MREG: variants seen among roughly 807,000 people sequenced by gnomAD.
The protein encoded by MREG is melanoregulin.
In MREG, 31 loss-of-function variants were observed where a neutral mutation model predicts 28.5. The observed-to-expected ratio is 1.09, with a 90% CI of 0.82 to 1.47. The LOEUF is 1.47. Ranked by LOEUF, MREG falls within the 40% of genes most tolerant of loss-of-function variation. The pLI, the probability that MREG is intolerant of heterozygous loss-of-function variation, is 0.00. For synonymous variants in MREG, 106 were observed against 95.2 expected (o/e 1.11, Z -0.66); for missense variants, 256 against 257.4 (o/e 0.99, Z 0.04).
chr2:215,973,553 T>C (rs1693162158), intron 2 of MREG, among the ~76,000 whole-genome samples: 1 of 152,102 alleles, frequency 6.6e-6, no homozygotes. Flanking sequence ...GGGAAAGAGA[T>C]TGGAGCAAAT....
rs375604235 is a variant in MREG at position 216,010,396 on chromosome 2, C to T, written c.95+2837G>A. ...TTTTTGAGACGGAGTCTCGCTCTGT[C>T]GCCCAGGCTGGAGTGCAGTGGCGCG... On this transcript the variant is annotated intron_variant, in intron 1 of 4. Transcript: ENST00000263268. Among the ~76,000 whole-genome samples the T allele has an allele frequency of 1.3e-3, 172 of 127,522 alleles. 5 individuals are homozygous for T. The East Asian group carries it at 0.019, about 14-fold the overall frequency. The allele number at this position is 127,522 out of a possible 152,430, so 83.7% of individuals were successfully genotyped here.
upstream of MREG, among the ~76,000 whole-genome samples, chr2:216,016,579 A>G (rs1694452121): frequency 6.6e-6 from 1 of 152,236 alleles, no homozygotes; most frequent in Admixed American, 6.5e-5. Context: ...TCTATGAAAT[A>G]GAGGTGACAA....
At chr2:215,991,922 A>G (rs1008397915) in intron 2 of MREG, among the ~76,000 whole-genome samples, 5 of 152,124 alleles carry the variant, frequency 3.3e-5, no homozygotes, top group African/African-American at 1.2e-4. Flanking sequence ...CCAACCAAAA[A>G]AAGCCCAGGA....
chr2:215,992,492 T>G (rs1412740768), intron 2 of MREG, among the ~76,000 whole-genome samples: 1 of 152,210 alleles, frequency 6.6e-6, no homozygotes, highest in African/African-American at 2.4e-5. Context: ...GCATTCCCTT[T>G]GAAAACCGGC....
At chr2:216,028,540 A>C (rs1196173528) in intron 1 of MREG, among the ~76,000 whole-genome samples, 2 of 151,596 alleles carry the variant, frequency 1.3e-5, no homozygotes, top group African/African-American at 2.4e-5. Flanking sequence ...AAAAAAAAAA[A>C]AAAAAAAACC....
intron 1 of MREG, among the ~76,000 whole-genome samples, chr2:215,997,170 T>C (rs10180645): frequency 0.57 from 86,216 of 152,076 alleles, 24,769 homozygotes; most frequent in Non-Finnish European, 0.59. Context: ...GGAAGCATAG[T>C]AAACTTGGAG....
At chr2:215,995,417 T>C (rs1693840477) in intron 2 of MREG, among the ~76,000 whole-genome samples, 1 of 152,168 alleles carries the variant, frequency 6.6e-6, no homozygotes, top group African/African-American at 2.4e-5. Context: ...TGCTAAAATA[T>C]GTTTTTTTGG....
chr2:215,974,654 A>C (rs1693193937), intron 2 of MREG, among the ~76,000 whole-genome samples: 1 of 152,172 alleles, frequency 6.6e-6, no homozygotes, highest in African/African-American at 2.4e-5. Context: ...CTTTACAGGC[A>C]GGGGAGGGGA....
chr2:216,031,360 T>C (rs2105935132), intron 1 of MREG, among the ~76,000 whole-genome samples: 1 of 148,648 alleles, frequency 6.7e-6, no homozygotes. Flanking sequence ...TGAGCTGAGA[T>C]TGTACCACTG....
intron 2 of MREG, among the ~76,000 whole-genome samples, chr2:215,994,620 GAGA>G (rs1693813696): frequency 2.2e-5 from 1 of 44,658 alleles, no homozygotes; most frequent in Non-Finnish European, 8.8e-5. Context: ...GGAAGAAGAA[GAGA>G]AGAAGGAGGG....
chr2:215,995,965 G>GT (rs1244237644), intron 2 of MREG, among the ~76,000 whole-genome samples: 1 of 152,006 alleles, frequency 6.6e-6, no homozygotes, highest in Admixed American at 6.6e-5. Flanking sequence ...TCTGAATCAA[G>GT]TAAGTGTGGC....
At chr2:215,949,253 T>G (rs1692418758) in intron 2 of MREG, among the ~76,000 whole-genome samples, 1 of 139,508 alleles carries the variant, frequency 7.2e-6, no homozygotes, top group South Asian at 2.3e-4. Flanking sequence ...AGAGTGAGAC[T>G]TTGTCTTAAA....
At chr2:215,983,651 A>C (rs1443719037) in intron 2 of MREG, among the ~76,000 whole-genome samples, 1 of 152,204 alleles carries the variant, frequency 6.6e-6, no homozygotes, top group African/African-American at 2.4e-5. Context: ...TTTAGTTGAC[A>C]TGTAGTAATT....
intron 2 of MREG, among the ~76,000 whole-genome samples, chr2:215,959,934 G>T (rs542782246): frequency 6.6e-6 from 1 of 151,502 alleles, no homozygotes; most frequent in Admixed American, 6.6e-5. Flanking sequence ...GAAAATTGTT[G>T]TAGAGTTACT....
intron 1 of MREG, among the ~76,000 whole-genome samples, chr2:216,030,781 T>C (rs1694669143): frequency 6.6e-6 from 1 of 151,438 alleles, no homozygotes; most frequent in African/African-American, 2.4e-5. Context: ...CAGGCTGGTC[T>C]TGAACTCTTG....
chr2:216,030,725 C>CTTT (rs549744417), intron 1 of MREG, among the ~76,000 whole-genome samples: 4 of 145,024 alleles, frequency 2.8e-5, no homozygotes, highest in Non-Finnish European at 4.5e-5. Context: ...GTATTTCTTT[C>CTTT]TTTCTTTTTT....
intron 2 of MREG, among the ~76,000 whole-genome samples, chr2:215,969,900 C>G (rs1038865475): frequency 2.0e-5 from 3 of 152,104 alleles, no homozygotes. Flanking sequence ...AAAGAAAAAA[C>G]CTTGCAAAGG....
intron 1 of MREG, among the ~76,000 whole-genome samples, chr2:216,020,786 C>T (rs1694508112): frequency 6.6e-6 from 1 of 152,188 alleles, no homozygotes; most frequent in Non-Finnish European, 1.5e-5. Context: ...ACAGAAAGGA[C>T]CCCACAAGGA....
At chr2:215,964,031 G>A (rs1253533849) in intron 2 of MREG, among the ~76,000 whole-genome samples, 2 of 152,020 alleles carry the variant, frequency 1.3e-5, no homozygotes, top group Non-Finnish European at 2.9e-5. Flanking sequence ...ACTTAGACAC[G>A]TCTCATTACT....
Sources: gnomAD v4.1 joint callset for allele counts (sites outside exome capture counted in the v4.1 genomes callset) on GRCh38, gnomAD v4.1.1 for gene constraint, MANE v1.5 for transcripts, NCBI Gene and HGNC (gene_info 2026-07-23, HGNC 2026-07-21) for gene names.